C2: variants seen among roughly 807,000 people sequenced by gnomAD.
C2 encodes complement C2, also known as C3/C5 convertase.
C2 carries 64 observed loss-of-function variants against 85.2 expected under a neutral mutation model. The observed-to-expected ratio is 0.75, with a 90% CI of 0.61 to 0.92. The LOEUF is 0.92. Among genes scored for constraint, C2 ranks in the 40% least tolerant of loss-of-function variants. The probability of loss-of-function intolerance (pLI) is 0.00; values close to 1 mark genes in which losing one functional copy is unlikely to be tolerated. For missense variants in C2, 820 were observed against 971.6 expected, an observed-to-expected ratio of 0.84 and a Z score of 2.07; for synonymous variants, 311 against 370.8, an observed-to-expected ratio of 0.84 and a Z score of 1.85.
At chr6:31,919,144 C>CTTTTCT (rs1554275637), upstream of C2, among the ~76,000 whole-genome samples, 1 of 133,666 alleles carries the variant, frequency 7.5e-6, no homozygotes, top group South Asian at 2.3e-4. Flanking sequence ...CTTTTCTTTT[C>CTTTTCT]TTTTTTTTTT....
At chr6:31,936,217 T>G (rs1327935891) in intron 7 of C2, 156 bp downstream of exon 7, 1 of 759,310 alleles carries the variant, frequency 1.3e-6, no homozygotes. Flanking sequence ...AGGGTTATGG[T>G]GGGGGAGTCC....
In C2 at chr6:31,933,651, C is replaced by G. The variant is rs752930289; in HGVS notation, c.484C>G (p.Arg162Gly). 3.7e-6 allele frequency: 6 copies of G among 1,613,026 alleles called. No individual in the cohort carries two copies. The highest frequency in any genetic ancestry group is 5.1e-6 in the Non-Finnish European group (6 of 1,180,054). Residue 162 changes from arginine (R) to glycine (G), a missense_variant, in exon 4 of 18, where the codon CGG becomes GGG. Arg to Gly is a moderately radical substitution (Grantham distance 125). Coordinates refer to ENST00000299367, the MANE Select transcript of C2 (RefSeq NM_000063.6). ...CCCAGGCATTTCACTGGGCGCAGTG[C>G]GGACAGGCTTCCGCTTTGGTCATGG... ...PNPGISLGAV[R>G]TGFRFGHGDK...
rs764681579 is a variant in C2, at chr6:31,927,931, G to C, written c.47-24G>C. ...GTGTCTTCCTTCTTTCTCCATTGCT[G>C]TCTCCTTGTTCCCACGGCTCTAGGT... On this transcript the variant is annotated intron_variant, in intron 1 of 17. Transcript: ENST00000299367. This position sits in a 1 kb window ranked among gnomAD's most constrained non-coding sequence, Gnocchi z 4.7. 1 of 1,605,220 alleles carries C rather than the reference G, an allele frequency of 6.2e-7. No individual in the cohort carries two copies. Among genetic ancestry groups the C allele is most frequent in the African/African-American group, 1.3e-5 (1 of 74,780 alleles).
At chr6:31,932,702 C>T (rs1038895984) in intron 3 of C2, among the ~76,000 whole-genome samples, 1 of 152,060 alleles carries the variant, frequency 6.6e-6, no homozygotes, top group African/African-American at 2.4e-5. Flanking sequence ...CTCCTCACTT[C>T]CCAGACGGGG....
At chr6:31,900,980 T>TA, upstream of C2, 1 of 1,614,096 alleles carries the variant, frequency 6.2e-7, no homozygotes, top group South Asian at 1.1e-5. This position sits in a 1 kb window ranked among gnomAD's most constrained non-coding sequence, Gnocchi z 9.7. Flanking sequence ...CATCTGCAGG[T>TA]AGGAGGCGGC....
intron 1 of C2, among the ~76,000 whole-genome samples, chr6:31,912,711 G>A (rs1475860566): frequency 6.6e-6 from 1 of 151,974 alleles, no homozygotes; most frequent in African/African-American, 2.4e-5. Flanking sequence ...GTGATGGTGT[G>A]TGCCTGTAAT....
At chr6:31,900,148 T>G, upstream of C2, 1 of 1,614,132 alleles carries the variant, frequency 6.2e-7, no homozygotes, top group Non-Finnish European at 8.5e-7. This position sits in a 1 kb window ranked among gnomAD's most constrained non-coding sequence, Gnocchi z 9.7. Context: ...CGCACGAGTG[T>G]GACTTGACAC....
intron 3 of C2, among the ~76,000 whole-genome samples, chr6:31,931,967 C>T (rs1380750805): frequency 7.2e-6 from 1 of 138,410 alleles, no homozygotes; most frequent in Non-Finnish European, 1.6e-5. Context: ...CCCTCCCGGA[C>T]GGGGCGGCTG....
intron 6 of C2, 195 bp downstream of exon 6, chr6:31,934,494 C>A: frequency 1.7e-6 from 2 of 1,201,380 alleles, no homozygotes; most frequent in Non-Finnish European, 2.4e-6. Flanking sequence ...ACTGTTGGGA[C>A]ACTGTGCTGG....
chr6:31,905,835 T>C (rs113939871), intron 1 of C2, among the ~76,000 whole-genome samples: 147 of 152,108 alleles, frequency 9.7e-4, no homozygotes, highest in African/African-American at 3.3e-3. Flanking sequence ...GTGTTTATGT[T>C]TGTGGGCATC....
At chr6:31,914,382 G>C (rs1163919994) in intron 1 of C2, among the ~76,000 whole-genome samples, 1 of 150,704 alleles carries the variant, frequency 6.6e-6, no homozygotes, top group African/African-American at 2.4e-5. Context: ...CATGAGGTCA[G>C]GAGTTCGAGA....
chr6:31,925,440 A>G (rs1769203581), upstream of C2, among the ~76,000 whole-genome samples: 2 of 151,944 alleles, frequency 1.3e-5, no homozygotes, highest in Admixed American at 1.3e-4. Flanking sequence ...TTACAGGCGT[A>G]TGCCACCACG....
chr6:31,903,653 A>T (rs1767532412), intron 1 of C2, among the ~76,000 whole-genome samples: 1 of 152,104 alleles, frequency 6.6e-6, no homozygotes, highest in African/African-American at 2.4e-5. Context: ...AAAAAAGGTC[A>T]TGCAACAAAT....
Position 31,943,194 on chromosome 6 carries a change from C to T in C2, c.1361-31C>T, listed in dbSNP as rs1274417917. The T allele has an allele frequency of 6.2e-7, 1 of 1,612,310 alleles. No individual in the cohort carries two copies. Among genetic ancestry groups the T allele is most frequent in the Non-Finnish European group, 8.5e-7 (1 of 1,179,436 alleles). On this transcript the variant is annotated intron_variant, in intron 10 of 17. Transcript: ENST00000299367. The surrounding 1 kb of genome is among the most constrained non-coding windows in gnomAD (Gnocchi z 6.4). ...CCTGGACACAGTGCCCCTCACTTGC[C>T]TCCTTCCCCATCTGATCCTCACACC... is the stretch of plus-strand genomic sequence containing the variant.
intron 3 of C2, among the ~76,000 whole-genome samples, chr6:31,931,904 A>C (rs1769801834): frequency 2.9e-5 from 2 of 69,522 alleles, no homozygotes; most frequent in South Asian, 4.7e-4. Context: ...TGACCCCCCC[A>C]CCTCCCTCCC....
upstream of C2, among the ~76,000 whole-genome samples, chr6:31,926,579 G>A (rs1213442649): frequency 2.6e-5 from 4 of 151,596 alleles, no homozygotes; most frequent in South Asian, 2.1e-4. Flanking sequence ...TGATCCACCC[G>A]CCTCAGCCTC....
At chr6:31,933,473 T>G (rs1770093934) in intron 3 of C2, 137 bp from the exon 4 acceptor site, 1 of 821,166 alleles carries the variant, frequency 1.2e-6, no homozygotes, top group Non-Finnish European at 2.0e-6. Context: ...TCCCTGGGTC[T>G]CTGGGGGCTC....
At chr6:31,897,810 A>C, upstream of C2, 1 of 1,004,186 alleles carries the variant, frequency 1.0e-6, no homozygotes, top group South Asian at 4.8e-5. Context: ...GCGGCCTCGG[A>C]GATGGCTGTG....
chr6:31,914,154 G>C (rs1174610962), intron 1 of C2, among the ~76,000 whole-genome samples: 2 of 151,608 alleles, frequency 1.3e-5, no homozygotes, highest in South Asian at 2.1e-4. Flanking sequence ...CTTGTGATCC[G>C]CCTGCCTCGG....
Sources: allele counts gnomAD v4.1 joint callset (sites outside exome capture counted in the v4.1 genomes callset), GRCh38; gene constraint gnomAD v4.1.1; non-coding constraint Gnocchi (gnomAD v3.1); transcripts MANE v1.5; gene names NCBI Gene and HGNC (gene_info 2026-07-23, HGNC 2026-07-21).